The following WDFY2 variants were observed in gnomAD, a reference collection of about 807,000 sequenced individuals.
WDFY2 encodes WD repeat and FYVE domain-containing protein 2.
WDFY2 carries 36 observed loss-of-function variants against 56.4 expected under a neutral mutation model. The ratio of observed to expected loss-of-function variants is 0.64; its 90% confidence interval spans 0.49 to 0.84. The LOEUF is 0.84. Among genes scored for constraint, WDFY2 ranks in the 40% least tolerant of loss-of-function variants. The probability of loss-of-function intolerance (pLI) is 0.00; values close to 1 mark genes in which losing one functional copy is unlikely to be tolerated. For synonymous variants in WDFY2, 176 were observed against 183.7 expected, an observed-to-expected ratio of 0.96 and a Z score of 0.34; for missense variants, 444 against 512.2, an observed-to-expected ratio of 0.87 and a Z score of 1.29.
At chr13:51,675,827 G>A (rs1027727773) in intron 3 of WDFY2, among the ~76,000 whole-genome samples, 1 of 152,102 alleles carries the variant, frequency 6.6e-6, no homozygotes, top group African/African-American at 2.4e-5. Context: ...TAGATGTTGG[G>A]GGAACTGAAG....
At chr13:51,716,414 C>T (rs144169227) in intron 4 of WDFY2, among the ~76,000 whole-genome samples, 56 of 152,152 alleles carry the variant, frequency 3.7e-4, no homozygotes, top group African/African-American at 1.3e-3. Context: ...ACAAGTGGGC[C>T]GGGCGCGGTG....
rs1400519876 is a variant in WDFY2, at chr13:51,754,938, A to G, written c.832-420A>G. On this transcript the variant is annotated intron_variant, in intron 8 of 11. Transcript: ENST00000298125. ...TATTTGAGAAATTGTTTCACAAACAAACATTAATACTGCCCCCTCCAGCCT... is the reference window on the plus strand; with the variant it reads ...TATTTGAGAAATTGTTTCACAAACAGACATTAATACTGCCCCCTCCAGCCT... Among the ~76,000 whole-genome samples the G allele has an allele frequency of 4.9e-4, 74 of 152,178 alleles. 1 individual carries two copies. The highest frequency in any genetic ancestry group is 4.8e-3 in the Admixed American group (74 of 15,284).
At chr13:51,623,840 G>GTT (rs557684744) in intron 1 of WDFY2, among the ~76,000 whole-genome samples, 105 of 143,236 alleles carry the variant, frequency 7.3e-4, no homozygotes, top group African/African-American at 1.1e-3. Context: ...TTTTTACAGA[G>GTT]TTTTTTTTTT....
intron 5 of WDFY2, among the ~76,000 whole-genome samples, chr13:51,723,423 C>G (rs934557009): frequency 6.6e-6 from 1 of 152,012 alleles, no homozygotes; most frequent in Non-Finnish European, 1.5e-5. Context: ...GTGGTTGTCA[C>G]GTCTTCTAAA....
chr13:51,634,952 T>G (rs1955017709), intron 1 of WDFY2, among the ~76,000 whole-genome samples: 1 of 152,098 alleles, frequency 6.6e-6, no homozygotes, highest in African/African-American at 2.4e-5. Context: ...TAGTTTTATT[T>G]TTTTGAGATG....
At chr13:51,635,665 T>G (rs1955034158) in intron 1 of WDFY2, among the ~76,000 whole-genome samples, 1 of 152,210 alleles carries the variant, frequency 6.6e-6, no homozygotes, top group Non-Finnish European at 1.5e-5. Context: ...CCCCATGGCT[T>G]GGGAACTACA....
At chr13:51,699,847 A>T (rs1203878579) in intron 3 of WDFY2, among the ~76,000 whole-genome samples, 1 of 152,228 alleles carries the variant, frequency 6.6e-6, no homozygotes, top group Non-Finnish European at 1.5e-5. Context: ...ATTAGTTCAT[A>T]TGGATATACT....
At chr13:51,745,588 C>T (rs57837262) in intron 7 of WDFY2, among the ~76,000 whole-genome samples, 20,279 of 151,834 alleles carry the variant, frequency 0.13, 1,830 homozygotes, top group African/African-American at 0.23. Flanking sequence ...TCAGATAGCC[C>T]AGAAAAGTGT....
chr13:51,756,345 A>C lies in WDFY2; in HGVS notation c.947A>C (p.Lys316Thr). 1 of 1,613,708 alleles carries C rather than the reference A, an allele frequency of 6.2e-7. No individual in the cohort carries two copies. The highest frequency in any genetic ancestry group is 8.5e-7 in the Non-Finnish European group (1 of 1,179,776). ...KIGLRQHHCR[K>T]CGKAVCGKCS... Reference sequence around the variant, plus strand: ...TCCCTCCTCCAGCACCACTGCCGCAAGTGTGGGAAGGCCGTCTGTGGCAAG... The same window carrying C: ...TCCCTCCTCCAGCACCACTGCCGCACGTGTGGGAAGGCCGTCTGTGGCAAG... The change falls in exon 10 of 12, where the codon AAG (lysine) becomes ACG (threonine). Residue 316 changes from lysine (K) to threonine (T), a missense_variant. By Grantham distance (78) the Lys-to-Thr change is moderately conservative. Coordinates refer to ENST00000298125, the MANE Select transcript of WDFY2 (RefSeq NM_052950.4).
In WDFY2 at chr13:51,681,167, T is replaced by G. The variant is rs549603311; in HGVS notation, c.279+5924T>G. Among the ~76,000 whole-genome samples the G allele has an allele frequency of 2.0e-5, 3 of 152,294 alleles. No individual in the cohort carries two copies. In the South Asian group the frequency reaches 6.2e-4, roughly 32 times the overall value. On this transcript the variant is annotated intron_variant, in intron 3 of 11. Transcript: ENST00000298125. The stretch of plus-strand genomic sequence containing the variant: ...TTCAGCTGTACCCAAGCAAGTTGAC[T>G]GTACAGTTAGTTCACTCTGCTGGAG...
intron 2 of WDFY2, among the ~76,000 whole-genome samples, chr13:51,664,561 C>T (rs771842597): frequency 3.3e-5 from 5 of 152,194 alleles, no homozygotes; most frequent in Non-Finnish European, 7.3e-5. Context: ...TCCTCATCCT[C>T]CTAATCCCCT....
intron 6 of WDFY2, among the ~76,000 whole-genome samples, chr13:51,733,531 C>G (rs1350221705): frequency 6.6e-6 from 1 of 152,154 alleles, no homozygotes; most frequent in African/African-American, 2.4e-5. Flanking sequence ...GAAGTTTAAA[C>G]AGAGTAGTGA....
chr13:51,666,125 A>G (rs1422681658), intron 2 of WDFY2, among the ~76,000 whole-genome samples: 2 of 152,196 alleles, frequency 1.3e-5, no homozygotes, highest in African/African-American at 2.4e-5. Context: ...CTTACTTCCC[A>G]GTTTTTATCA....
intron 1 of WDFY2, chr13:51,586,837 A>G (rs943194854): frequency 1.3e-5 from 2 of 152,158 alleles, no homozygotes; most frequent in African/African-American, 4.8e-5. Flanking sequence ...AATTATTATT[A>G]ATATACTTTT....
chr13:51,745,298 A>G (rs1953069051), intron 7 of WDFY2, among the ~76,000 whole-genome samples: 1 of 152,236 alleles, frequency 6.6e-6, no homozygotes, highest in African/African-American at 2.4e-5. Flanking sequence ...ATACATGTCA[A>G]AGATTTTATA....
intron 2 of WDFY2, among the ~76,000 whole-genome samples, chr13:51,663,218 G>A (rs1041094089): frequency 4.7e-4 from 71 of 152,204 alleles, no homozygotes; most frequent in Non-Finnish European, 8.8e-5. Flanking sequence ...ACATTGTCTT[G>A]TGACATTATA....
intron 3 of WDFY2, among the ~76,000 whole-genome samples, chr13:51,691,000 A>C (rs976448620): frequency 2.6e-5 from 4 of 152,312 alleles, no homozygotes; most frequent in Admixed American, 1.3e-4. Flanking sequence ...TCTTATTTTG[A>C]GAAGTGTCTG....
At chr13:51,708,448 TACCCTGGGTAACAGA>T (rs2138596646) in intron 4 of WDFY2, among the ~76,000 whole-genome samples, 1 of 152,066 alleles carries the variant, frequency 6.6e-6, no homozygotes, top group Admixed American at 6.6e-5. Flanking sequence ...CATTGTACTC[TACCCTGGGTAACAGA>T]GCAAGACCCT....
chr13:51,718,155 C>T (rs1952401185), intron 4 of WDFY2, among the ~76,000 whole-genome samples: 1 of 152,216 alleles, frequency 6.6e-6, no homozygotes, highest in Non-Finnish European at 1.5e-5. Flanking sequence ...CCAGTGTCTT[C>T]TCTGTGACCT....
Sources: gnomAD v4.1 joint callset for allele counts (sites outside exome capture counted in the v4.1 genomes callset) on GRCh38, gnomAD v4.1.1 for gene constraint, MANE v1.5 for transcripts, NCBI Gene and HGNC (gene_info 2026-07-23, HGNC 2026-07-21) for gene names.